PTPRD: variants seen among roughly 807,000 people sequenced by gnomAD.
PTPRD encodes the protein receptor-type tyrosine-protein phosphatase delta.
PTPRD carries 34 observed loss-of-function variants against 214.5 expected under a neutral mutation model. The ratio of observed to expected loss-of-function variants is 0.16; its 90% CI spans 0.12 to 0.21. The LOEUF is 0.21. Ranked by LOEUF, PTPRD falls within the 10% of genes least tolerant of loss-of-function variation. PTPRD has a pLI of 1.00. For synonymous variants in PTPRD, 1,128 were observed against 845.7 expected (o/e 1.33, Z -5.79); for missense variants, 2,545 against 2,398.7 (o/e 1.06, Z -1.27).
intron 8 of PTPRD, among the ~76,000 whole-genome samples, chr9:9,420,184 T>C (rs7029356): frequency 2.0e-5 from 3 of 151,792 alleles, no homozygotes; most frequent in African/African-American, 7.2e-5. Context: ...AAGCTTAATA[T>C]TTTAGAAAAT....
In PTPRD at chr9:9,347,291, C is replaced by CAG. The variant is rs561365634; in HGVS notation, c.-203+50156_-203+50157dup. On this transcript the variant is annotated intron_variant, in intron 9 of 45. Coordinates refer to ENST00000381196, the MANE Select transcript of PTPRD (RefSeq NM_002839.4). ...TAGAAGTCTTATACTTTCTATACTT[C>CAG]AGAGGACTCTCTCTATGTGTATATA... Among the ~76,000 whole-genome samples, 6 of 149,206 alleles carry CAG rather than the reference C, an allele frequency of 4.0e-5. No individual in the cohort carries two copies. In the South Asian group the frequency reaches 1.3e-3, roughly 32 times the overall value.
chr9:9,613,284 T>G lies in PTPRD; in HGVS notation c.-286-38503A>C, dbSNP rs188489236. 2.6e-3 allele frequency among the ~76,000 whole-genome samples: 400 copies of G among 151,844 alleles called. 2 individuals are homozygous for G. Among genetic ancestry groups the G allele is most frequent in the African/African-American group, 9.1e-3 (376 of 41,398 alleles). ...TCGATTACATTGATAATGAACATAA[T>G]TAATGATAAATCTAAAAAACGTCAT... On this transcript the variant is annotated intron_variant, in intron 7 of 45. Transcript: ENST00000381196.
intron 3 of PTPRD, among the ~76,000 whole-genome samples, chr9:10,247,184 A>C (rs1317939564): frequency 6.6e-6 from 1 of 152,148 alleles, no homozygotes; most frequent in Non-Finnish European, 1.5e-5. Flanking sequence ...AGTTCATATT[A>C]ATGAGAAACC....
At chr9:9,354,771 A>G (rs2053052785) in intron 9 of PTPRD, among the ~76,000 whole-genome samples, 1 of 151,802 alleles carries the variant, frequency 6.6e-6, no homozygotes, top group Non-Finnish European at 1.5e-5. Context: ...GTGGGGTACC[A>G]TGGGTGCTTC....
At chr9:8,319,218 A>C (rs1824829101) in intron 45 of PTPRD, among the ~76,000 whole-genome samples, 1 of 152,204 alleles carries the variant, frequency 6.6e-6, no homozygotes, top group Admixed American at 6.6e-5. Context: ...GCAGAACATA[A>C]ACTCTATCAG....
chr9:8,315,462 A>AAAAG lies in PTPRD; in HGVS notation c.*2408_*2411dup, dbSNP rs1491399594. 2 of 231,776 alleles carry AAAAG rather than the reference A, an allele frequency of 8.6e-6. No individual in the cohort carries two copies. Among genetic ancestry groups the AAAAG allele is most frequent in the Non-Finnish European group, 1.7e-5 (2 of 116,936 alleles). The allele number at this position is 231,776 out of a possible 1,614,324, so 14.4% of individuals were successfully genotyped here. On this transcript the variant is annotated 3_prime_UTR_variant, in exon 46 of 46. Transcript: ENST00000381196. Reference sequence around the variant, plus strand: ...TCTGTCTGACCCCCTTTGTTTAACTAAAAGAAAATTATAGCACTGAGTAAT... The same window carrying AAAAG: ...TCTGTCTGACCCCCTTTGTTTAACTAAAAGAAAGAAAATTATAGCACTGAGTAAT...
At chr9:9,129,553 C>T (rs553815971) in intron 10 of PTPRD, among the ~76,000 whole-genome samples, 2 of 152,118 alleles carry the variant, frequency 1.3e-5, no homozygotes, top group African/African-American at 4.8e-5. Flanking sequence ...ACAGCTGATA[C>T]ATCGTTCAAT....
intron 8 of PTPRD, among the ~76,000 whole-genome samples, chr9:9,525,024 A>T (rs2073765975): frequency 6.6e-6 from 1 of 152,006 alleles, no homozygotes; most frequent in Admixed American, 6.6e-5. Flanking sequence ...CGCCCGGCTA[A>T]TTTTTTGTAT....
At chr9:9,928,757 TACACAC>T (rs60820386) in intron 5 of PTPRD, among the ~76,000 whole-genome samples, 13 of 147,120 alleles carry the variant, frequency 8.8e-5, no homozygotes, top group South Asian at 2.2e-4. Flanking sequence ...TCTCTCTCTA[TACACAC>T]ACACACACAC....
chr9:9,157,411 T>A (rs1569555827), intron 10 of PTPRD, among the ~76,000 whole-genome samples: 1 of 151,916 alleles, frequency 6.6e-6, no homozygotes, highest in Admixed American at 6.6e-5. Flanking sequence ...AATACTCAAA[T>A]AAATAAAATA....
rs558028461 is a variant in PTPRD at position 8,355,399 on chromosome 9, T to C, written c.4662-13421A>G. Among the ~76,000 whole-genome samples the C allele has an allele frequency of 2.0e-5, 3 of 147,662 alleles. No individual in the cohort carries two copies. The East Asian group carries it at 6.0e-4, about 29-fold the overall frequency. Reference sequence around the variant, plus strand: ...CAGCTAGTTACATTTATGTCAGCTCTATCTCTTTTAGAATATTTTGGTCTA... The same window carrying C: ...CAGCTAGTTACATTTATGTCAGCTCCATCTCTTTTAGAATATTTTGGTCTA... On this transcript the variant is annotated intron_variant, in intron 39 of 45. Transcript: ENST00000381196.
rs559562416 is a variant in PTPRD, at chr9:9,912,096, A to G, written c.-368+26411T>C. ...CTGCAATATATATTGTAAGTGGGGG[A>G]AAAATACTATAAAATAAAACCTTGA... On this transcript the variant is annotated intron_variant, in intron 5 of 45. Transcript: ENST00000381196. Among the ~76,000 whole-genome samples, 25 of 152,300 alleles carry G rather than the reference A, an allele frequency of 1.6e-4. No homozygotes were observed. In the South Asian group the frequency reaches 5.2e-3, roughly 32 times the overall value.
chr9:10,177,414 G>C (rs1396414181), intron 3 of PTPRD, among the ~76,000 whole-genome samples: 1 of 150,016 alleles, frequency 6.7e-6, no homozygotes. Flanking sequence ...TAATGAGTTT[G>C]TGCTTCAGAA....
chr9:9,407,823 T>C (rs528354260), intron 8 of PTPRD, among the ~76,000 whole-genome samples: 11 of 151,956 alleles, frequency 7.2e-5, no homozygotes, highest in African/African-American at 1.7e-4. Context: ...CTAGTTGCAA[T>C]TGTATTACTA....
chr9:8,944,383 C>T (rs993264407), intron 11 of PTPRD, among the ~76,000 whole-genome samples: 4 of 152,020 alleles, frequency 2.6e-5, no homozygotes. Flanking sequence ...TCATATGATC[C>T]AGCAATTCCA....
chr9:9,217,031 G>T (rs547907601), intron 9 of PTPRD, among the ~76,000 whole-genome samples: 2 of 152,028 alleles, frequency 1.3e-5, no homozygotes, highest in Admixed American at 6.6e-5. Context: ...ATATGTTTAA[G>T]AAATGCCAGT....
intron 9 of PTPRD, among the ~76,000 whole-genome samples, chr9:9,247,763 T>A (rs572055906): frequency 3.3e-5 from 5 of 152,142 alleles, no homozygotes; most frequent in Non-Finnish European, 7.4e-5. Context: ...AAAATATAGA[T>A]GTAAGAGATA....
At chr9:8,775,361 C>T (rs1273298207) in intron 11 of PTPRD, among the ~76,000 whole-genome samples, 2 of 152,186 alleles carry the variant, frequency 1.3e-5, no homozygotes, top group South Asian at 2.1e-4. Flanking sequence ...ACTGGGGACA[C>T]TGCTATAGTC....
At chr9:9,471,164 A>T (rs1050289756) in intron 8 of PTPRD, among the ~76,000 whole-genome samples, 1 of 152,108 alleles carries the variant, frequency 6.6e-6, no homozygotes, top group East Asian at 1.9e-4. Context: ...ATAATGTATC[A>T]TTTTCCCAGA....
Sources: gnomAD v4.1 joint callset for allele counts (sites outside exome capture counted in the v4.1 genomes callset) on GRCh38, gnomAD v4.1.1 for gene constraint, MANE v1.5 for transcripts, NCBI Gene and HGNC (gene_info 2026-07-23, HGNC 2026-07-21) for gene names.